The following NMBR variants were observed in gnomAD, a reference collection of about 807,000 sequenced individuals.
The protein encoded by NMBR is neuromedin-B receptor.
Under a neutral mutation model 20.5 loss-of-function variants are expected in NMBR, and 16 were observed. The ratio of observed to expected loss-of-function variants is 0.78; its 90% CI spans 0.53 to 1.19. The LOEUF (loss-of-function observed/expected upper bound fraction) is 1.19. Ranked by LOEUF, NMBR falls within the 50% of genes most tolerant of loss-of-function variation. The pLI, the probability that NMBR is intolerant of heterozygous loss-of-function variation, is 0.00. For missense variants in NMBR, 582 were observed against 499.1 expected (o/e 1.17, Z -1.58); for synonymous variants, 212 against 196.6 (o/e 1.08, Z -0.65).
At chr6:142,100,619 T>A (rs1412594978) in intron 1 of NMBR, among the ~76,000 whole-genome samples, 1 of 152,158 alleles carries the variant, frequency 6.6e-6, no homozygotes, top group Non-Finnish European at 1.5e-5. Context: ...ATAATGTAAT[T>A]GTAGAAATGT....
chr6:142,125,423 A>G (rs1428902557), intron 1 of NMBR, among the ~76,000 whole-genome samples: 1 of 151,636 alleles, frequency 6.6e-6, no homozygotes, highest in Non-Finnish European at 1.5e-5. Context: ...CATTTCAACC[A>G]TATACACATA....
chr6:142,086,777 GAC>G (rs1378298925), intron 2 of NMBR, among the ~76,000 whole-genome samples: 2 of 152,150 alleles, frequency 1.3e-5, no homozygotes, highest in African/African-American at 4.8e-5. Context: ...GTGTCGCCAT[GAC>G]AATAGATTGT....
chr6:142,139,556 T>A (rs547306476), intron 1 of NMBR, among the ~76,000 whole-genome samples: 98 of 152,338 alleles, frequency 6.4e-4, no homozygotes, highest in African/African-American at 2.2e-3. Context: ...GCCAACTTCC[T>A]CGGCCTCCCT....
intron 1 of NMBR, among the ~76,000 whole-genome samples, chr6:142,106,508 T>C (rs566780330): frequency 5.6e-4 from 85 of 152,352 alleles, no homozygotes; most frequent in African/African-American, 1.8e-3. Flanking sequence ...TACTAAATAA[T>C]ATCACATACA....
intron 1 of NMBR, chr6:142,134,986 AG>A (rs1778224636): frequency 4.2e-6 from 2 of 473,742 alleles, no homozygotes; most frequent in Non-Finnish European, 7.4e-6. Flanking sequence ...TATCTTACTC[AG>A]TGAGTACAAT....
At chr6:142,076,767 AGG>A (rs1232545013) in intron 3 of NMBR, among the ~76,000 whole-genome samples, 4 of 152,230 alleles carry the variant, frequency 2.6e-5, no homozygotes, top group Admixed American at 2.6e-4. Context: ...CAGTAGTTCA[AGG>A]GGTACCTTAC....
chr6:142,133,044 G>C, intron 1 of NMBR: 1 of 505,302 alleles, frequency 2.0e-6, no homozygotes, highest in East Asian at 3.0e-5. Context: ...AGTGATGAGT[G>C]TTTTCTGCTG....
intron 1 of NMBR, among the ~76,000 whole-genome samples, chr6:142,135,493 C>G (rs999464408): frequency 1.3e-5 from 2 of 151,580 alleles, no homozygotes; most frequent in Admixed American, 1.3e-4. Context: ...GTTTTCTTTT[C>G]TTTTATTTAT....
intron 1 of NMBR, among the ~76,000 whole-genome samples, chr6:142,145,190 G>C (rs1016510189): frequency 3.9e-5 from 6 of 152,128 alleles, no homozygotes; most frequent in Non-Finnish European, 8.8e-5. Context: ...GAGTACACAT[G>C]AATGTATGCA....
intron 1 of NMBR, among the ~76,000 whole-genome samples, chr6:142,130,066 T>C (rs1778112474): frequency 6.6e-6 from 1 of 152,150 alleles, no homozygotes; most frequent in African/African-American, 2.4e-5. Flanking sequence ...GCCTTTGCTC[T>C]TCGCACTGAG....
intron 1 of NMBR, among the ~76,000 whole-genome samples, chr6:142,131,367 A>G: frequency 6.6e-6 from 1 of 152,204 alleles, no homozygotes; most frequent in East Asian, 1.9e-4. Flanking sequence ...AAGAGGTAGA[A>G]GATGTTTCTC....
chr6:142,094,216 G>C (rs1777397039), intron 1 of NMBR, among the ~76,000 whole-genome samples: 1 of 151,970 alleles, frequency 6.6e-6, no homozygotes, highest in Admixed American at 6.6e-5. Context: ...TAGACATGAA[G>C]TCCTTGCCCA....
intron 1 of NMBR, among the ~76,000 whole-genome samples, chr6:142,138,605 A>G (rs541692581): frequency 5.9e-5 from 9 of 152,318 alleles, no homozygotes; most frequent in African/African-American, 2.2e-4. Context: ...AATTGGTGTT[A>G]ATAAACAGCA....
chr6:142,134,463 T>G (rs552136495), intron 1 of NMBR: 2 of 457,838 alleles, frequency 4.4e-6, no homozygotes, highest in African/African-American at 2.0e-5. Flanking sequence ...GTTAGTGGGG[T>G]TTTTTTAGTG....
At chr6:142,108,157 CAA>C (rs1300986967) in intron 1 of NMBR, among the ~76,000 whole-genome samples, 5 of 152,040 alleles carry the variant, frequency 3.3e-5, no homozygotes, top group Non-Finnish European at 4.4e-5. Context: ...GGAATGAGCA[CAA>C]AAGTTATTCA....
intron 1 of NMBR, among the ~76,000 whole-genome samples, chr6:142,093,818 T>C (rs1459776352): frequency 2.0e-5 from 3 of 152,124 alleles, no homozygotes; most frequent in Non-Finnish European, 1.5e-5. Context: ...ACACCTGTTG[T>C]TTCCTGACTT....
At chr6:142,105,656 T>A (rs1421675832) in intron 1 of NMBR, among the ~76,000 whole-genome samples, 2 of 152,172 alleles carry the variant, frequency 1.3e-5, no homozygotes, top group African/African-American at 4.8e-5. Flanking sequence ...TTGTTTATAC[T>A]TTTGTTTATA....
chr6:142,135,143 T>C (rs1778228988), intron 1 of NMBR: 2 of 252,038 alleles, frequency 7.9e-6, no homozygotes, highest in Non-Finnish European at 1.5e-5. Context: ...CTACTGTTAA[T>C]TTATTTTTAA....
intron 1 of NMBR, among the ~76,000 whole-genome samples, chr6:142,118,441 G>A (rs1478163712): frequency 4.6e-5 from 7 of 151,940 alleles, no homozygotes; most frequent in Non-Finnish European, 1.5e-5. Context: ...GTTAATTGAA[G>A]AATCACACTT....
Sources: allele counts gnomAD v4.1 joint callset (sites outside exome capture counted in the v4.1 genomes callset), GRCh38; gene constraint gnomAD v4.1.1; transcripts MANE v1.5; gene names NCBI Gene and HGNC (gene_info 2026-07-23, HGNC 2026-07-21).